Variants in MALRD1 observed in about 807,000 individuals in gnomAD.
MALRD1 encodes MAM and LDL-receptor class A domain-containing protein 1.
Under a neutral mutation model 242.1 loss-of-function variants are expected in MALRD1, and 247 were observed. The ratio of observed to expected loss-of-function variants is 1.02; its 90% CI spans 0.92 to 1.13. MALRD1 has a LOEUF of 1.13. Ranked by LOEUF, MALRD1 falls within the 50% of genes most tolerant of loss-of-function variation. The pLI, the probability that MALRD1 is intolerant of heterozygous loss-of-function variation, is 0.00. For missense variants in MALRD1, 2,989 were observed against 2,533.1 expected, an observed-to-expected ratio of 1.18 and a Z score of -3.86; for synonymous variants, 995 against 866.6, an observed-to-expected ratio of 1.15 and a Z score of -2.60.
At chr10:19,474,326 G>A (rs1836630503) in intron 29 of MALRD1, among the ~76,000 whole-genome samples, 1 of 152,050 alleles carries the variant, frequency 6.6e-6, no homozygotes, top group African/African-American at 2.4e-5. Flanking sequence ...TATAAATATA[G>A]AAACATTTGT....
chr10:19,567,711 A>C lies in MALRD1; in HGVS notation c.5680+8A>C. On this transcript the variant is annotated splice_region_variant and intron_variant, in intron 33 of 39. Transcript: ENST00000454679. ...CAGAGTGTGTGACTGGAGGTAAGTGATTCTTTCAGAAAATGGGAATAAGTA... is the reference window on the plus strand; with the variant it reads ...CAGAGTGTGTGACTGGAGGTAAGTGCTTCTTTCAGAAAATGGGAATAAGTA... 1.9e-6 allele frequency: 3 copies of C among 1,548,398 alleles called. No individual in the cohort carries two copies. The highest frequency in any genetic ancestry group is 2.6e-6 in the Non-Finnish European group (3 of 1,145,098).
chr10:19,539,885 T>C (rs1369921273), intron 32 of MALRD1, among the ~76,000 whole-genome samples: 7 of 81,814 alleles, frequency 8.6e-5, no homozygotes, highest in African/African-American at 2.9e-4. Flanking sequence ...TGTGTGTGTG[T>C]GTGTGTGTGT....
Position 19,485,638 on chromosome 10 carries a change from G to A in MALRD1, c.5030-5879G>A, listed in dbSNP as rs547736995. On this transcript the variant is annotated intron_variant, in intron 29 of 39. Transcript: ENST00000454679. ...AGCCTGGGCGACAGAGCAAGACTCC[G>A]TCTCAATTAAAAAAAAAAAAATAGT... 3.6e-3 allele frequency among the ~76,000 whole-genome samples: 367 copies of A among 100,882 alleles called. 1 individual carries two copies. The highest frequency in any genetic ancestry group is 0.033 in the Middle Eastern group (7 of 214). 66.2% of individuals were successfully genotyped at this position (100,882 alleles called of 152,430 possible).
chr10:19,668,403 C>T (rs534756099), intron 36 of MALRD1, among the ~76,000 whole-genome samples: 1 of 152,182 alleles, frequency 6.6e-6, no homozygotes. Flanking sequence ...TAAAACATAG[C>T]CCTTCAGTCA....
At chr10:19,059,827 G>A (rs932553371) in intron 1 of MALRD1, among the ~76,000 whole-genome samples, 5 of 152,052 alleles carry the variant, frequency 3.3e-5, no homozygotes, top group East Asian at 1.9e-4. Context: ...CGATGTAAGC[G>A]GATTCATTTT....
At chr10:19,327,742 C>A in intron 23 of MALRD1, 69 bp downstream of exon 23, 11 of 1,240,238 alleles carry the variant, frequency 8.9e-6, no homozygotes, top group Non-Finnish European at 1.3e-5. Context: ...TTATTTCCTT[C>A]TCTACTCACA....
intron 5 of MALRD1, among the ~76,000 whole-genome samples, chr10:19,121,026 G>A (rs1006814218): frequency 4.0e-5 from 6 of 148,688 alleles, no homozygotes; most frequent in African/African-American, 1.2e-4. Flanking sequence ...TTACAGGCGT[G>A]AGCCACTGTG....
At chr10:19,113,566 A>C (rs1588563036) in intron 5 of MALRD1, among the ~76,000 whole-genome samples, 49 of 127,142 alleles carry the variant, frequency 3.9e-4, no homozygotes, top group South Asian at 8.0e-4. Context: ...TCCTTCCTCC[A>C]CCTCCCTTGC....
chr10:19,053,495 C>T (rs1834569642), intron 1 of MALRD1, among the ~76,000 whole-genome samples: 1 of 152,154 alleles, frequency 6.6e-6, no homozygotes, highest in African/African-American at 2.4e-5. Context: ...GCTTGACCTC[C>T]TGGCAAATTG....
intron 4 of MALRD1, among the ~76,000 whole-genome samples, 164 bp downstream of exon 4, chr10:19,088,349 T>G (rs550635404): frequency 6.6e-6 from 1 of 152,090 alleles, no homozygotes; most frequent in Non-Finnish European, 1.5e-5. Flanking sequence ...CAATTTGGGA[T>G]GGCTAGTCAC....
At chr10:19,377,975 C>T (rs781483712) in intron 26 of MALRD1, among the ~76,000 whole-genome samples, 19 of 152,046 alleles carry the variant, frequency 1.2e-4, no homozygotes, top group Non-Finnish European at 2.6e-4. Flanking sequence ...CCATTTTTGT[C>T]AATCAAGAAT....
chr10:19,278,964 G>A (rs748921776), intron 19 of MALRD1, among the ~76,000 whole-genome samples: 25 of 152,258 alleles, frequency 1.6e-4, no homozygotes, highest in Middle Eastern at 3.4e-3. Context: ...GACTATGGAC[G>A]ATTCACCACC....
chr10:19,579,955 G>A (rs995775394), intron 33 of MALRD1, among the ~76,000 whole-genome samples: 3 of 152,170 alleles, frequency 2.0e-5, no homozygotes, highest in African/African-American at 7.2e-5. Context: ...GAGCAACAGC[G>A]TTAAATTAGG....
At chr10:19,705,392 G>T (rs1235546225) in intron 38 of MALRD1, among the ~76,000 whole-genome samples, 2 of 152,138 alleles carry the variant, frequency 1.3e-5, no homozygotes, top group Non-Finnish European at 2.9e-5. Context: ...CACAGTGACC[G>T]AGGTCATCTC....
At chr10:19,339,350 G>A (rs536172988) in intron 24 of MALRD1, among the ~76,000 whole-genome samples, 10 of 151,930 alleles carry the variant, frequency 6.6e-5, no homozygotes, top group South Asian at 4.2e-4. Flanking sequence ...TATTTTTCTC[G>A]TGGCATCTTA....
intron 10 of MALRD1, among the ~76,000 whole-genome samples, chr10:19,140,740 T>C (rs1833511196): frequency 6.6e-6 from 1 of 152,012 alleles, no homozygotes. Flanking sequence ...TCTAAAAAAG[T>C]TGAATTTGTA....
chr10:19,303,955 G>A (rs2499076), intron 21 of MALRD1, among the ~76,000 whole-genome samples: 18,848 of 151,580 alleles, frequency 0.12, 1,390 homozygotes, highest in South Asian at 0.28. Context: ...TTTTTACCTT[G>A]AAACAAAAGC....
At chr10:19,365,131 T>C (rs1019487539) in intron 26 of MALRD1, among the ~76,000 whole-genome samples, 6 of 152,118 alleles carry the variant, frequency 3.9e-5, no homozygotes, top group Admixed American at 2.6e-4. Flanking sequence ...GTTTTCTCTA[T>C]GAAATATATT....
chr10:19,085,408 T>A, intron 2 of MALRD1, among the ~76,000 whole-genome samples: 1 of 152,042 alleles, frequency 6.6e-6, no homozygotes, highest in Non-Finnish European at 1.5e-5. Context: ...CTAAAAAAAA[T>A]TGTGATTGTC....
Sources: gnomAD v4.1 joint callset for allele counts (sites outside exome capture counted in the v4.1 genomes callset) on GRCh38, gnomAD v4.1.1 for gene constraint, MANE v1.5 for transcripts, NCBI Gene and HGNC (gene_info 2026-07-23, HGNC 2026-07-21) for gene names.